The following SLC25A12 variants were observed in gnomAD, a reference collection of about 807,000 sequenced individuals.
The protein encoded by SLC25A12 is electrogenic aspartate/glutamate antiporter SLC25A12, mitochondrial.
Under a neutral mutation model 83.3 loss-of-function variants are expected in SLC25A12, and 32 were observed. The ratio of observed to expected loss-of-function variants is 0.38; its 90% CI spans 0.29 to 0.52. The LOEUF (loss-of-function observed/expected upper bound fraction) is 0.52, where lower values mean the gene tolerates loss of function less well. Ranked by LOEUF, SLC25A12 falls within the 20% of genes least tolerant of loss-of-function variation. The probability of loss-of-function intolerance (pLI) is 0.84; values close to 1 mark genes in which losing one functional copy is unlikely to be tolerated. For synonymous variants in SLC25A12, 267 were observed against 291.1 expected (o/e 0.92, Z 0.84); for missense variants, 611 against 835.6 (o/e 0.73, Z 3.31).
intron 8 of SLC25A12, among the ~76,000 whole-genome samples, chr2:171,831,006 A>C (rs1442101656): frequency 6.6e-6 from 1 of 152,250 alleles, no homozygotes; most frequent in Admixed American, 6.5e-5. Flanking sequence ...TTGGTGAAGT[A>C]CACCATGAGC....
intron 3 of SLC25A12, among the ~76,000 whole-genome samples, chr2:171,867,114 T>C (rs1360588061): frequency 6.8e-6 from 1 of 148,098 alleles, no homozygotes; most frequent in Non-Finnish European, 1.5e-5. Flanking sequence ...CTAGATGGGA[T>C]GGCGGCCGGG....
intron 9 of SLC25A12, among the ~76,000 whole-genome samples, chr2:171,819,596 AT>A (rs1684142295): frequency 6.6e-6 from 1 of 150,396 alleles, no homozygotes; most frequent in African/African-American, 2.4e-5. Flanking sequence ...AATGAGTTAA[AT>A]TTAAATGAGT....
intron 13 of SLC25A12, among the ~76,000 whole-genome samples, chr2:171,809,011 A>G (rs1294238307): frequency 1.3e-5 from 2 of 152,128 alleles, no homozygotes; most frequent in African/African-American, 4.8e-5. Flanking sequence ...AGCTTCATCC[A>G]TGTCCCTGCA....
Position 171,834,040 on chromosome 2 carries a change from A to C in SLC25A12, c.768T>G (p.Ser256Arg), listed in dbSNP as rs1684504189. The change falls in exon 8 of 18, where the codon AGT (serine) becomes AGG (arginine). Residue 256 changes from serine (S) to arginine (R), a missense_variant. Ser to Arg is a moderately radical substitution (Grantham distance 110). Coordinates refer to ENST00000422440, the MANE Select transcript of SLC25A12 (RefSeq NM_003705.5). Reference protein sequence around the residue: ...VEVTKEEFAQSAIRYGQVTPL... With the variant: ...VEVTKEEFAQRAIRYGQVTPL... ...GTGTGACTTGTCCATAGCGTATGGC[A>C]CTCTGGGCAAATTCCTCTGGAACAG... The C allele has an allele frequency of 3.1e-6, 5 of 1,605,366 alleles. No individual in the cohort carries two copies. Among genetic ancestry groups the C allele is most frequent in the Non-Finnish European group, 4.3e-6 (5 of 1,172,256 alleles).
At chr2:171,826,347 C>A (rs1448899544) in intron 9 of SLC25A12, among the ~76,000 whole-genome samples, 1 of 152,158 alleles carries the variant, frequency 6.6e-6, no homozygotes, top group Admixed American at 6.5e-5. Flanking sequence ...GTGGCTCATG[C>A]CTGTAATCCC....
intron 2 of SLC25A12, among the ~76,000 whole-genome samples, chr2:171,879,897 A>G (rs946557261): frequency 6.6e-6 from 1 of 152,212 alleles, no homozygotes; most frequent in South Asian, 2.1e-4. Context: ...GCAATGTATG[A>G]ATCTAGCTTG....
chr2:171,800,301 G>A (rs1038132136), intron 13 of SLC25A12, among the ~76,000 whole-genome samples: 6 of 146,946 alleles, frequency 4.1e-5, no homozygotes, highest in East Asian at 2.0e-4. Context: ...TAAAATGTAC[G>A]CAAAAGACTT....
intron 2 of SLC25A12, among the ~76,000 whole-genome samples, chr2:171,881,146 T>TG (rs1172253573): frequency 2.2e-4 from 34 of 152,090 alleles, no homozygotes; most frequent in African/African-American, 6.3e-4. Flanking sequence ...TATTTTCTTT[T>TG]TTTGTTGTTG....
At chr2:171,878,479 A>C (rs1300264743) in intron 2 of SLC25A12, among the ~76,000 whole-genome samples, 1 of 152,192 alleles carries the variant, frequency 6.6e-6, no homozygotes, top group Admixed American at 6.5e-5. Flanking sequence ...TTGCCCAAAC[A>C]TGAAGAAATT....
At chr2:171,853,451 A>C (rs1156922367) in intron 4 of SLC25A12, among the ~76,000 whole-genome samples, 2 of 140,822 alleles carry the variant, frequency 1.4e-5, no homozygotes, top group Non-Finnish European at 3.2e-5. Flanking sequence ...CGAGGTGGGC[A>C]GATTACCTGA....
At chr2:171,888,875 A>G (rs1452839020) in intron 2 of SLC25A12, among the ~76,000 whole-genome samples, 1 of 152,190 alleles carries the variant, frequency 6.6e-6, no homozygotes, top group African/African-American at 2.4e-5. Context: ...CATTTTACAA[A>G]GAGTTTTCAA....
At chr2:171,869,973 T>C (rs1205173140) in intron 2 of SLC25A12, among the ~76,000 whole-genome samples, 3 of 152,246 alleles carry the variant, frequency 2.0e-5, no homozygotes. Flanking sequence ...TCCTGCTTTT[T>C]TTTCCCTCAG....
Position 171,784,825 on chromosome 2 carries a change from T to A in SLC25A12, c.*449A>T. 5.3e-6 allele frequency: 1 copy of A among 188,506 alleles called. No homozygotes were observed. The highest frequency in any genetic ancestry group is 1.1e-4 in the South Asian group (1 of 9,168). The allele number at this position is 188,506 out of a possible 1,614,324, so 11.7% of individuals were successfully genotyped here. ...TTTCCATAAGTCACCAATAAGAGAA[T>A]GAATTTAATTTTAATACATTTATTT... On this transcript the variant is annotated 3_prime_UTR_variant, in exon 18 of 18. Coordinates refer to ENST00000422440, the MANE Select transcript of SLC25A12 (RefSeq NM_003705.5).
rs1685983663 is a variant in SLC25A12 at position 171,893,246 on chromosome 2, T to C, written c.25A>G (p.Lys9Glu). The change falls in exon 2 of 18, where the codon AAG becomes GAG. Residue 9 changes from lysine (K) to glutamate (E), a missense_variant. This residue lies in a region of SLC25A12 where 34 missense variants were observed against 23.0 expected (regional missense o/e 1.48). Coordinates refer to ENST00000422440, the MANE Select transcript of SLC25A12 (RefSeq NM_003705.5). MAVKVQTT[K>E]RGDPHELRNI... ...CTTAACTCATGAGGATCCCCTCGCT[T>C]AGTTGTCTGCACCTGTAAGCAAAAA... 14 of 1,614,132 alleles carry C rather than the reference T, an allele frequency of 8.7e-6. No homozygotes were observed. Among genetic ancestry groups the C allele is most frequent in the Non-Finnish European group, 1.1e-5 (13 of 1,180,002 alleles).
intron 2 of SLC25A12, among the ~76,000 whole-genome samples, chr2:171,889,748 C>T (rs1182571729): frequency 6.6e-6 from 1 of 152,146 alleles, no homozygotes; most frequent in African/African-American, 2.4e-5. Context: ...TTTCAATATC[C>T]TACCAGTAGT....
chr2:171,786,723 G>C (rs1159552327), intron 17 of SLC25A12, among the ~76,000 whole-genome samples: 3 of 152,144 alleles, frequency 2.0e-5, no homozygotes, highest in Admixed American at 6.5e-5. Context: ...CAAGTGGTAA[G>C]CTTTTAGAAG....
rs980829547 is a variant in SLC25A12, at chr2:171,813,766, C to T, written c.1013-269G>A. Among the ~76,000 whole-genome samples the T allele has an allele frequency of 7.9e-5, 12 of 152,204 alleles. 1 individual carries two copies. Among genetic ancestry groups the T allele is most frequent in the African/African-American group, 2.6e-4 (11 of 41,528 alleles). ...GTTCATAAACTACAGAGTGGATTAT[C>T]GAGTCACTTCCCAAATTAGATAATC... is the stretch of plus-strand genomic sequence containing the variant. On this transcript the variant is annotated intron_variant, in intron 10 of 17. Transcript: ENST00000422440.
chr2:171,798,885 A>G (rs986328723), intron 13 of SLC25A12, among the ~76,000 whole-genome samples: 2 of 152,184 alleles, frequency 1.3e-5, no homozygotes, highest in African/African-American at 4.8e-5. Context: ...CATATGTTGG[A>G]ACTAATATCC....
At chr2:171,809,759 A>G in intron 12 of SLC25A12, 73 bp from the exon 13 acceptor site, 1 of 1,036,712 alleles carries the variant, frequency 9.6e-7, no homozygotes, top group South Asian at 1.3e-5. Context: ...TGCTTTTCCA[A>G]GTCAGCAAAA....
Sources: gnomAD v4.1 joint callset for allele counts (sites outside exome capture counted in the v4.1 genomes callset) on GRCh38, gnomAD v4.1.1 for gene constraint, gnomAD v4.1.1 regional missense constraint, MANE v1.5 for transcripts, NCBI Gene and HGNC (gene_info 2026-07-23, HGNC 2026-07-21) for gene names.